The following FGFR1 variants were observed in gnomAD, a reference collection of about 807,000 sequenced individuals.
FGFR1 encodes FGFR1/PLAG1 fusion.
A neutral mutation model predicts 93.7 loss-of-function variants in FGFR1; 18 were observed. The observed-to-expected ratio is 0.19, with a 90% CI of 0.13 to 0.28. The LOEUF (loss-of-function observed/expected upper bound fraction) is 0.28, where lower values mean the gene tolerates loss of function less well. FGFR1 is among the 10% of genes least tolerant of loss of function. The probability of loss-of-function intolerance (pLI) is 1.00; values close to 1 mark genes in which losing one functional copy is unlikely to be tolerated. For missense variants in FGFR1, 731 were observed against 1,080.4 expected, an observed-to-expected ratio of 0.68 and a Z score of 4.53; for synonymous variants, 448 against 429.3, an observed-to-expected ratio of 1.04 and a Z score of -0.54.
chr8:38,466,678 G>GA (rs1270716898), intron 1 of FGFR1: 6 of 221,490 alleles, frequency 2.7e-5, no homozygotes, highest in Non-Finnish European at 4.5e-5. Flanking sequence ...ACAGGCTGAA[G>GA]AATCTGAGTT....
chr8:38,454,301 T>G (rs1046054785), intron 2 of FGFR1, among the ~76,000 whole-genome samples: 6 of 152,086 alleles, frequency 3.9e-5, no homozygotes. Flanking sequence ...TTCTCCCTTC[T>G]TGGGCTGCAA....
At chr8:38,445,283 GCTTCTCCT>G (rs991157363) in intron 2 of FGFR1, among the ~76,000 whole-genome samples, 7 of 152,184 alleles carry the variant, frequency 4.6e-5, no homozygotes, top group Admixed American at 1.3e-4. Flanking sequence ...TTCAATAAAT[GCTTCTCCT>G]CTTCACCCGT....
At chr8:38,418,437 T>G (rs1315388508) in intron 9 of FGFR1, 64 bp from the exon 10 acceptor site, 1 of 1,553,260 alleles carries the variant, frequency 6.4e-7, no homozygotes, top group African/African-American at 1.4e-5. Flanking sequence ...CTTCCCATTC[T>G]TAGTCAGGGC....
In FGFR1 at chr8:38,422,014, G is replaced by A. The variant is rs774570739; in HGVS notation, c.937-73C>T. On this transcript the variant is annotated intron_variant, in intron 7 of 17. Transcript: ENST00000447712. ...CTCTAAGAGACGCAGAGCAAGGGAAGGAGACAGAAAGAAGGGGGACTAGAG... is the reference window on the plus strand; with the variant it reads ...CTCTAAGAGACGCAGAGCAAGGGAAAGAGACAGAAAGAAGGGGGACTAGAG... The A allele has an allele frequency of 3.8e-4, 594 of 1,559,440 alleles. 1 individual carries two copies. The highest frequency in any genetic ancestry group is 5.0e-4 in the Non-Finnish European group (566 of 1,137,402).
In FGFR1 at chr8:38,423,134, C is replaced by T. The variant is rs558465404; in HGVS notation, c.937-1193G>A. On this transcript the variant is annotated intron_variant, in intron 7 of 17. Transcript: ENST00000447712. ...CGCTCTGGGCCTCTGTCACATTGAA[C>T]AGGGTCAGCACCTCCGCATCCGAGC... 138 of 779,604 alleles carry T rather than the reference C, an allele frequency of 1.8e-4. 1 individual carries two copies. The South Asian group carries it at 1.8e-3, about 10-fold the overall frequency. 48.3% of individuals were successfully genotyped at this position (779,604 alleles called of 1,614,324 possible). A position where few individuals can be genotyped will look rare whatever the true frequency, so the allele number is the denominator to read the frequency against.
intron 4 of FGFR1, 29 bp from the exon 5 acceptor site, chr8:38,428,122 C>A (rs2150921560): frequency 6.2e-7 from 1 of 1,613,474 alleles, no homozygotes; most frequent in Non-Finnish European, 8.5e-7. Flanking sequence ...GAGAGACAGG[C>A]AGGGTGGAGA....
intron 1 of FGFR1, among the ~76,000 whole-genome samples, chr8:38,464,613 A>C (rs1416373803): frequency 6.6e-6 from 1 of 152,220 alleles, no homozygotes; most frequent in African/African-American, 2.4e-5. Flanking sequence ...GAAACACCAG[A>C]ATCTTCTCTA....
chr8:38,415,952 G>A lies in FGFR1; in HGVS notation c.1772C>T (p.Pro591Leu), dbSNP rs781268209. The change falls in exon 13 of 18, where the codon CCA becomes CTA. Residue 591 changes from proline to leucine, a missense_variant. By Grantham distance (98) the Pro-to-Leu change is moderately conservative. This residue lies in a region of FGFR1 where 39 missense variants were observed against 39.2 expected (regional missense o/e 1.00). Coordinates refer to ENST00000447712, the MANE Select transcript of FGFR1 (RefSeq NM_023110.3). ...LEYCYNPSHN[P>L]EEQLSSKDLV... The stretch of plus-strand genomic sequence containing the variant: ...GTCCTTGGAGGAGAGCTGCTCCTCT[G>A]GGTTGTGGCTGGGGTTGTAGCAGTA... 1 of 1,614,016 alleles carries A rather than the reference G, an allele frequency of 6.2e-7. No homozygotes were observed. Among genetic ancestry groups the A allele is most frequent in the Non-Finnish European group, 8.5e-7 (1 of 1,180,030 alleles).
intron 1 of FGFR1, among the ~76,000 whole-genome samples, chr8:38,460,672 G>A (rs1269465644): frequency 2.0e-5 from 3 of 152,100 alleles, no homozygotes; most frequent in Non-Finnish European, 2.9e-5. Flanking sequence ...TTTGACATCT[G>A]TAAAACAAGG....
chr8:38,450,075 G>A (rs1830559716), intron 2 of FGFR1, among the ~76,000 whole-genome samples: 1 of 152,232 alleles, frequency 6.6e-6, no homozygotes, highest in South Asian at 2.1e-4. Flanking sequence ...CCAGACTCCA[G>A]CAGGCTTCTC....
chr8:38,462,310 C>T (rs540613873), intron 1 of FGFR1, among the ~76,000 whole-genome samples: 15 of 152,222 alleles, frequency 9.9e-5, no homozygotes, highest in Admixed American at 1.3e-4. Flanking sequence ...TCGACACCAT[C>T]CTGGCCAACA....
intron 2 of FGFR1, among the ~76,000 whole-genome samples, chr8:38,449,106 G>GA (rs796242913): frequency 0.018 from 2,573 of 145,052 alleles, 73 homozygotes; most frequent in African/African-American, 0.059. Context: ...GGTCTCAGGA[G>GA]AAAAAAAAAA....
chr8:38,457,520 CT>C lies in FGFR1; in HGVS notation c.-75del. The C allele has an allele frequency of 6.2e-7, 1 of 1,600,354 alleles. No homozygotes were observed. On this transcript the variant is annotated 5_prime_UTR_variant, in exon 2 of 18. Transcript: ENST00000447712. ...ATACTCCACAGTGAGCTCGATCCTC[CT>C]TTTCAAACTGACCCTGAGGAAAGGA...
At chr8:38,439,774 C>T (rs1299868717) in intron 2 of FGFR1, among the ~76,000 whole-genome samples, 1 of 152,196 alleles carries the variant, frequency 6.6e-6, no homozygotes, top group East Asian at 1.9e-4. Flanking sequence ...CCTTAAAACT[C>T]ACTCTTCTGA....
rs1563475202 is a variant in FGFR1 at position 38,421,839 on chromosome 8, T to C, written c.1039A>G (p.Ile347Val). ...CATGCAGAGTGATGGGAGAGTCCGA[T>C]AGAGTTACCCGCCAAGCACGTATAC... ...GEYTCLAGNS[I>V]GLSHHSAWLT... The change falls in exon 8 of 18, where the codon ATC becomes GTC. Residue 347 changes from isoleucine to valine, a missense_variant. Physicochemically the swap from Ile to Val is conservative, Grantham distance 29. Transcript: ENST00000447712. 2.5e-6 allele frequency: 4 copies of C among 1,613,900 alleles called. No homozygotes were observed. The highest frequency in any genetic ancestry group is 1.3e-5 in the African/African-American group (1 of 74,860).
At chr8:38,443,107 G>C (rs1265888094) in intron 2 of FGFR1, among the ~76,000 whole-genome samples, 1 of 152,208 alleles carries the variant, frequency 6.6e-6, no homozygotes, top group Non-Finnish European at 1.5e-5. Flanking sequence ...GGGGAGAAGG[G>C]GGAGTTAGCG....
In FGFR1 at chr8:38,428,212, C is replaced by T. The variant is rs1382464879; in HGVS notation, c.449-119G>A. The T allele has an allele frequency of 1.3e-5, 20 of 1,488,320 alleles. No individual in the cohort carries two copies. In the South Asian group the frequency reaches 2.2e-4, roughly 16 times the overall value. 92.2% of individuals were successfully genotyped at this position (1,488,320 alleles called of 1,614,324 possible). A position where few individuals can be genotyped will look rare whatever the true frequency, so the allele number is the denominator to read the frequency against. On this transcript the variant is annotated intron_variant, in intron 4 of 17. Transcript: ENST00000447712. ...TGCCCATCTGCCCAACACCTGTGAG[C>T]AGTGCCTGGCACTTAGCAGAACAGG... is the stretch of plus-strand genomic sequence containing the variant.
intron 10 of FGFR1, 61 bp from the exon 11 acceptor site, chr8:38,418,052 C>T (rs1817349213): frequency 6.2e-7 from 1 of 1,611,948 alleles, no homozygotes; most frequent in South Asian, 1.1e-5. Flanking sequence ...CCTTGAGAGG[C>T]ACCCCATCTC....
chr8:38,433,086 C>T (rs903359030), intron 2 of FGFR1, among the ~76,000 whole-genome samples: 1 of 152,154 alleles, frequency 6.6e-6, no homozygotes, highest in Non-Finnish European at 1.5e-5. Context: ...GCCTGCAATC[C>T]CAGCACTTGG....
Sources: gnomAD v4.1 joint callset for allele counts (sites outside exome capture counted in the v4.1 genomes callset) on GRCh38, gnomAD v4.1.1 for gene constraint, gnomAD v4.1.1 regional missense constraint, MANE v1.5 for transcripts, NCBI Gene and HGNC (gene_info 2026-07-23, HGNC 2026-07-21) for gene names.